CFAP92: variants seen among roughly 807,000 people sequenced by gnomAD.
CFAP92 encodes uncharacterized protein CFAP92.
In CFAP92, 86 loss-of-function variants were observed where a neutral mutation model predicts 106.3. That is an observed-to-expected ratio of 0.81 (90% CI 0.68 to 0.97). The LOEUF (loss-of-function observed/expected upper bound fraction) is 0.97, where lower values mean the gene tolerates loss of function less well. CFAP92 is among the 50% of genes least tolerant of loss of function. The pLI is 0.00. For missense variants in CFAP92, 1,204 were observed against 1,283.8 expected (o/e 0.94, Z 0.95); for synonymous variants, 477 against 506.4 (o/e 0.94, Z 0.78).
At chr3:128,915,327 C>G in intron 14 of CFAP92, 30 bp downstream of exon 14, 1 of 1,535,956 alleles carries the variant, frequency 6.5e-7, no homozygotes, top group Non-Finnish European at 8.7e-7. Context: ...TATGGACACC[C>G]CACCTGAGAC....
At chr3:129,004,627 A>C (rs1042358331), upstream of CFAP92, among the ~76,000 whole-genome samples, 13 of 151,420 alleles carry the variant, frequency 8.6e-5, no homozygotes, top group Non-Finnish European at 1.6e-4. Context: ...GAATGTGCTC[A>C]TTCTTATTTG....
intron 4 of CFAP92, among the ~76,000 whole-genome samples, chr3:128,986,707 G>A (rs1368742858): frequency 2.0e-5 from 3 of 152,182 alleles, no homozygotes; most frequent in African/African-American, 4.8e-5. Context: ...GCAGGTACTA[G>A]TTATTTTTCC....
chr3:128,987,516 T>C (rs1943932770), intron 4 of CFAP92, 100 bp downstream of exon 4: 2 of 1,030,968 alleles, frequency 1.9e-6, no homozygotes, highest in Non-Finnish European at 3.0e-6. Context: ...TGTGTGCACA[T>C]GCCAATTAGA....
At chr3:129,026,535 C>G in the CFAP92 span, among the ~76,000 whole-genome samples, 1 of 152,196 alleles carries the variant, frequency 6.6e-6, no homozygotes, top group Non-Finnish European at 1.5e-5. Flanking sequence ...GCAGTTCCTG[C>G]GAGAAAGTTG....
At chr3:128,962,532 CCTT>C (rs1942015893) in intron 9 of CFAP92, among the ~76,000 whole-genome samples, 1 of 152,060 alleles carries the variant, frequency 6.6e-6, no homozygotes, top group Non-Finnish European at 1.5e-5. Flanking sequence ...TCATTGCTGC[CCTT>C]CTTCCCAATC....
the CFAP92 span, among the ~76,000 whole-genome samples, chr3:129,022,438 C>A: frequency 1.3e-5 from 2 of 152,186 alleles, no homozygotes; most frequent in Non-Finnish European, 2.9e-5. Flanking sequence ...GATCTGGAGC[C>A]AGGAGCCAGG....
Position 128,932,914 on chromosome 3 carries a change from T to G in CFAP92, c.2537A>C (p.Asp846Ala). The G allele has an allele frequency of 6.5e-7, 1 of 1,536,140 alleles. No homozygotes were observed. The highest frequency in any genetic ancestry group is 8.7e-7 in the Non-Finnish European group (1 of 1,146,912). ...DLLPSSAMIK[D>A]LSQEFGMPLS... ...GGGCATCCCAAACTCTTGGCTCAAG[T>G]CTTTTATCATAGCAGAGGAGGGCAG... The change falls in exon 12 of 16, where the codon GAC becomes GCC. Residue 846 changes from aspartate (D) to alanine (A), a missense_variant. Physicochemically the swap from Asp to Ala is moderately radical, Grantham distance 126. Coordinates refer to ENST00000645291, the MANE Select transcript of CFAP92 (RefSeq NM_001394090.1).
At chr3:128,971,215 G>A (rs542559870) in intron 8 of CFAP92, 72 bp downstream of exon 8, 1 of 1,608,484 alleles carries the variant, frequency 6.2e-7, no homozygotes, top group East Asian at 2.2e-5. Flanking sequence ...TTGTCATTAG[G>A]AGCATCCGCT....
chr3:128,942,521 C>G (rs954344983), intron 10 of CFAP92, among the ~76,000 whole-genome samples: 1 of 152,194 alleles, frequency 6.6e-6, no homozygotes, highest in Non-Finnish European at 1.5e-5. Flanking sequence ...TCTGGAAGGT[C>G]AGCCTCCATC....
chr3:128,981,543 C>A (rs894855709), intron 4 of CFAP92, among the ~76,000 whole-genome samples: 2 of 151,498 alleles, frequency 1.3e-5, no homozygotes, highest in Non-Finnish European at 2.9e-5. Context: ...GTTGGCCACA[C>A]TGGTCTCAAA....
upstream of CFAP92, among the ~76,000 whole-genome samples, chr3:128,996,755 G>A (rs1217896029): frequency 1.3e-5 from 2 of 152,234 alleles, no homozygotes; most frequent in Non-Finnish European, 2.9e-5. Flanking sequence ...GTGCTCAGCT[G>A]GAGGACCAAC....
upstream of CFAP92, among the ~76,000 whole-genome samples, chr3:129,004,898 G>A (rs1559955958): frequency 6.6e-6 from 1 of 152,122 alleles, no homozygotes; most frequent in Admixed American, 6.6e-5. Flanking sequence ...GTGTGAGTGT[G>A]GGCAAGTCAC....
intron 7 of CFAP92, among the ~76,000 whole-genome samples, chr3:128,973,203 A>C (rs1942927702): frequency 6.6e-6 from 1 of 152,240 alleles, no homozygotes; most frequent in African/African-American, 2.4e-5. Context: ...TTTTAAACTA[A>C]CAGAAAAATA....
intron 9 of CFAP92, among the ~76,000 whole-genome samples, chr3:128,958,812 G>A (rs578105000): frequency 6.6e-6 from 1 of 152,120 alleles, no homozygotes; most frequent in East Asian, 1.9e-4. Flanking sequence ...AAGGCAGGAG[G>A]ATCACCTGAG....
At chr3:128,926,695 A>C (rs1937684726) in intron 12 of CFAP92, among the ~76,000 whole-genome samples, 1 of 152,220 alleles carries the variant, frequency 6.6e-6, no homozygotes, top group Non-Finnish European at 1.5e-5. Flanking sequence ...TCCTCTACTG[A>C]AGCTCTAAAC....
chr3:128,944,531 C>G (rs1375679533), intron 10 of CFAP92, among the ~76,000 whole-genome samples: 3 of 152,186 alleles, frequency 2.0e-5, no homozygotes, highest in Admixed American at 6.5e-5. Context: ...TCTACCCAAA[C>G]TAGTATACTT....
At chr3:128,923,923 G>C (rs1457729325) in intron 12 of CFAP92, among the ~76,000 whole-genome samples, 1 of 152,212 alleles carries the variant, frequency 6.6e-6, no homozygotes, top group Non-Finnish European at 1.5e-5. Flanking sequence ...GACAGCCAAT[G>C]GGTTGTCCAC....
chr3:128,931,868 T>TA (rs141617623), intron 12 of CFAP92, among the ~76,000 whole-genome samples: 7,132 of 150,480 alleles, frequency 0.047, 215 homozygotes, highest in Non-Finnish European at 0.067. Flanking sequence ...AAAAAAAAAG[T>TA]AAAAAAAATT....
intron 12 of CFAP92, among the ~76,000 whole-genome samples, chr3:128,918,236 T>G (rs1489413932): frequency 3.9e-5 from 6 of 152,144 alleles, no homozygotes; most frequent in African/African-American, 1.4e-4. Context: ...TTGGGAAGCC[T>G]AGGCAGGCAG....
Sources: gnomAD v4.1 joint callset for allele counts (sites outside exome capture counted in the v4.1 genomes callset) on GRCh38, gnomAD v4.1.1 for gene constraint, MANE v1.5 for transcripts, NCBI Gene and HGNC (gene_info 2026-07-23, HGNC 2026-07-21) for gene names.